Variants in TMEM132B observed in about 807,000 individuals in gnomAD.
TMEM132B encodes the protein transmembrane protein 132B.
Under a neutral mutation model 90.8 loss-of-function variants are expected in TMEM132B, and 18 were observed. The observed-to-expected ratio is 0.20, with a 90% CI of 0.14 to 0.29. TMEM132B has a LOEUF of 0.29. Ranked by LOEUF, TMEM132B falls within the 10% of genes least tolerant of loss-of-function variation. TMEM132B has a pLI of 1.00. For synonymous variants in TMEM132B, 504 were observed against 523.3 expected, an observed-to-expected ratio of 0.96 and a Z score of 0.50; for missense variants, 1,096 against 1,326.8, an observed-to-expected ratio of 0.83 and a Z score of 2.70.
At chr12:125,305,269 C>G (rs181442902) in intron 1 of TMEM132B, among the ~76,000 whole-genome samples, 89 of 151,434 alleles carry the variant, frequency 5.9e-4, no homozygotes, top group African/African-American at 2.1e-3. Context: ...GTAAATACTG[C>G]TGAGACCTTT....
intron 1 of TMEM132B, among the ~76,000 whole-genome samples, chr12:125,249,449 C>T (rs1168632152): frequency 1.3e-5 from 2 of 152,294 alleles, no homozygotes; most frequent in South Asian, 4.2e-4. Flanking sequence ...GAGGAATTAT[C>T]TAGAAAGTTG....
At chr12:125,644,478 GATA>G (rs562158781) in intron 6 of TMEM132B, among the ~76,000 whole-genome samples, 197 bp downstream of exon 6, 2 of 152,110 alleles carry the variant, frequency 1.3e-5, no homozygotes, top group East Asian at 1.9e-4. Flanking sequence ...TAATGAAGAT[GATA>G]ATAATAATAA....
At chr12:125,305,739 C>G (rs1875941600) in intron 1 of TMEM132B, among the ~76,000 whole-genome samples, 3 of 152,144 alleles carry the variant, frequency 2.0e-5, no homozygotes, top group Admixed American at 1.3e-4. Context: ...TGTTGGAGAT[C>G]TCTAAGTTTA....
intron 1 of TMEM132B, among the ~76,000 whole-genome samples, chr12:125,263,013 G>A (rs1874603313): frequency 6.6e-6 from 1 of 152,230 alleles, no homozygotes; most frequent in Admixed American, 6.5e-5. Context: ...CTTAATGAAT[G>A]AATTGAATAG....
intron 3 of TMEM132B, among the ~76,000 whole-genome samples, chr12:125,462,710 A>C (rs1881469879): frequency 2.0e-5 from 3 of 152,206 alleles, no homozygotes; most frequent in African/African-American, 7.2e-5. Flanking sequence ...TTCAGTTTCC[A>C]TAAAGGCTTC....
Position 125,628,083 on chromosome 12 carries a change from C to T in TMEM132B, c.1438-15993C>T, listed in dbSNP as rs929454155. 3.3e-5 allele frequency among the ~76,000 whole-genome samples: 5 copies of T among 152,186 alleles called. No individual in the cohort carries two copies. The East Asian group carries it at 7.7e-4, about 24-fold the overall frequency. ...ATCTGTTGATGCTTCCAAATCTTGGCTATTGTCAACAGTGCTGCAACAAAC... is the reference window on the plus strand; with the variant it reads ...ATCTGTTGATGCTTCCAAATCTTGGTTATTGTCAACAGTGCTGCAACAAAC... On this transcript the variant is annotated intron_variant, in intron 5 of 8. Transcript: ENST00000682704.
At chr12:125,312,988 C>G (rs1186106291) in intron 1 of TMEM132B, among the ~76,000 whole-genome samples, 3 of 152,184 alleles carry the variant, frequency 2.0e-5, no homozygotes, top group East Asian at 3.9e-4. Flanking sequence ...TTCCTGGAAG[C>G]CTGCACATGC....
intron 5 of TMEM132B, among the ~76,000 whole-genome samples, chr12:125,592,338 A>C (rs902091425): frequency 1.3e-5 from 2 of 152,196 alleles, no homozygotes; most frequent in Admixed American, 6.5e-5. Context: ...ATAAGCTCAC[A>C]TGGATCTTGA....
intron 3 of TMEM132B, among the ~76,000 whole-genome samples, chr12:125,463,915 C>G (rs61945398): frequency 0.04 from 6,109 of 152,278 alleles, 159 homozygotes; most frequent in Non-Finnish European, 0.065. Context: ...GAAGCAGGCA[C>G]TGTCTTCACA....
chr12:125,465,015 G>A (rs1881528075), intron 3 of TMEM132B, among the ~76,000 whole-genome samples: 1 of 152,190 alleles, frequency 6.6e-6, no homozygotes, highest in African/African-American at 2.4e-5. Context: ...ATTTGCTAAT[G>A]TCACTTGTGA....
chr12:125,630,678 T>C (rs958308864), intron 5 of TMEM132B, among the ~76,000 whole-genome samples: 4 of 152,076 alleles, frequency 2.6e-5, no homozygotes, highest in Non-Finnish European at 5.9e-5. Flanking sequence ...TTGTATAGAT[T>C]ATTTTGTCAC....
chr12:125,256,616 A>G (rs368408651), intron 1 of TMEM132B, among the ~76,000 whole-genome samples: 6 of 152,348 alleles, frequency 3.9e-5, no homozygotes, highest in African/African-American at 1.4e-4. Flanking sequence ...CTGGCCCTTT[A>G]CAGAAAACAT....
chr12:125,518,107 T>G (rs1592969768), intron 3 of TMEM132B, among the ~76,000 whole-genome samples: 1 of 152,134 alleles, frequency 6.6e-6, no homozygotes, highest in African/African-American at 2.4e-5. Context: ...TGGTTTCCCT[T>G]TGGGTAGAAT....
intron 5 of TMEM132B, among the ~76,000 whole-genome samples, chr12:125,592,863 G>A (rs1885351393): frequency 6.6e-6 from 1 of 152,186 alleles, no homozygotes; most frequent in Non-Finnish European, 1.5e-5. Context: ...TAGGTAGTGG[G>A]ATCTAAGGCA....
chr12:125,456,996 C>T (rs1377845906), intron 3 of TMEM132B, among the ~76,000 whole-genome samples: 1 of 152,174 alleles, frequency 6.6e-6, no homozygotes, highest in African/African-American at 2.4e-5. Flanking sequence ...GCCCAAATCC[C>T]GAGGTCCTCC....
chr12:125,508,929 G>A (rs1268676614), intron 3 of TMEM132B, among the ~76,000 whole-genome samples: 6 of 151,772 alleles, frequency 4.0e-5, no homozygotes, highest in Admixed American at 3.9e-4. Context: ...GATTACAGGT[G>A]TGCACCACCA....
chr12:125,478,459 C>T lies in TMEM132B; in HGVS notation c.1107-40980C>T, dbSNP rs570124973. 7.9e-5 allele frequency among the ~76,000 whole-genome samples: 12 copies of T among 152,250 alleles called. No individual in the cohort carries two copies. The East Asian group carries it at 1.5e-3, about 20-fold the overall frequency. ...GCTGAAAACCGTGGCATGAGAACTA[C>T]GTGATGCATGCACAAGCTTCAGTAG... On this transcript the variant is annotated intron_variant, in intron 3 of 8. Coordinates refer to ENST00000682704, the MANE Select transcript of TMEM132B (RefSeq NM_001366854.1).
intron 4 of TMEM132B, among the ~76,000 whole-genome samples, chr12:125,557,592 A>C (rs1884422900): frequency 6.6e-6 from 1 of 152,228 alleles, no homozygotes; most frequent in African/African-American, 2.4e-5. Context: ...AGTAGGATGC[A>C]TTTAAGGAAG....
intron 1 of TMEM132B, among the ~76,000 whole-genome samples, chr12:125,238,530 G>C (rs997914731): frequency 1.3e-5 from 2 of 152,132 alleles, no homozygotes; most frequent in African/African-American, 4.8e-5. Context: ...TGTTGATTTT[G>C]TATTTGCTTG....
Sources: allele counts gnomAD v4.1 joint callset (sites outside exome capture counted in the v4.1 genomes callset), GRCh38; gene constraint gnomAD v4.1.1; transcripts MANE v1.5; gene names NCBI Gene and HGNC (gene_info 2026-07-23, HGNC 2026-07-21).